Variants in PDE3B observed in about 807,000 individuals in gnomAD.
The protein encoded by PDE3B is cGMP-inhibited 3',5'-cyclic phosphodiesterase 3B.
PDE3B carries 66 observed loss-of-function variants against 116.8 expected under a neutral mutation model. The observed-to-expected ratio is 0.56, with a 90% CI of 0.46 to 0.69. PDE3B has a LOEUF of 0.69. Among genes scored for constraint, PDE3B ranks in the 30% least tolerant of loss-of-function variants. The probability of loss-of-function intolerance (pLI) is 0.00; values close to 1 mark genes in which losing one functional copy is unlikely to be tolerated. For missense variants in PDE3B, 1,384 were observed against 1,368.1 expected (o/e 1.01, Z -0.18); for synonymous variants, 595 against 533.6 (o/e 1.12, Z -1.59).
intron 5 of PDE3B, among the ~76,000 whole-genome samples, chr11:14,816,045 AG>A (rs1565150058): frequency 6.6e-6 from 1 of 152,106 alleles, no homozygotes; most frequent in Non-Finnish European, 1.5e-5. Flanking sequence ...GCAAGCAAGT[AG>A]GAAGTTTTCA....
At chr11:14,748,944 A>G (rs1856985746) in intron 1 of PDE3B, among the ~76,000 whole-genome samples, 1 of 145,926 alleles carries the variant, frequency 6.9e-6, no homozygotes, top group Non-Finnish European at 1.5e-5. Context: ...GCTGGAGTGC[A>G]GTGGCGCAGT....
chr11:14,823,986 T>C (rs1859604962), intron 7 of PDE3B, among the ~76,000 whole-genome samples: 1 of 152,168 alleles, frequency 6.6e-6, no homozygotes, highest in South Asian at 2.1e-4. Context: ...CTTTGCTGTC[T>C]TCAGGCTTTG....
intron 1 of PDE3B, among the ~76,000 whole-genome samples, chr11:14,675,343 T>C (rs1452816075): frequency 2.0e-5 from 3 of 152,140 alleles, no homozygotes; most frequent in Non-Finnish European, 4.4e-5. Flanking sequence ...TTTTTCTTTC[T>C]TATCAATATT....
chr11:14,686,157 C>G (rs937532677), intron 1 of PDE3B, among the ~76,000 whole-genome samples: 3 of 152,104 alleles, frequency 2.0e-5, no homozygotes, highest in African/African-American at 7.2e-5. Flanking sequence ...GGAATTCTGC[C>G]TGGGTTTTAA....
chr11:14,890,070 A>T, the PDE3B span, among the ~76,000 whole-genome samples: 1 of 152,154 alleles, frequency 6.6e-6, no homozygotes, highest in South Asian at 2.1e-4. Flanking sequence ...CGGAGCTTTC[A>T]GTGAGCCGAG....
chr11:14,768,283 C>T (rs1486707966), intron 1 of PDE3B, among the ~76,000 whole-genome samples: 1 of 151,506 alleles, frequency 6.6e-6, no homozygotes, highest in Admixed American at 6.6e-5. Flanking sequence ...ATCAACCCAC[C>T]ATTACTGGTG....
Position 14,789,121 on chromosome 11 carries a change from A to C in PDE3B, c.1294A>C (p.Ser432Arg), listed in dbSNP as rs1415045135. 3 of 1,609,214 alleles carry C rather than the reference A, an allele frequency of 1.9e-6. No homozygotes were observed. Among genetic ancestry groups the C allele is most frequent in the Non-Finnish European group, 2.5e-6 (3 of 1,177,340 alleles). ...TATTCAACAGGGACTAAATAGGAAT[A>C]GTTTGCCAACTCCACAGCTGAGGAG... ...RKLNKGLNRNSLPTPQLRRSS... is the reference protein window; with the variant it reads ...RKLNKGLNRNRLPTPQLRRSS... Residue 432 changes from serine (S) to arginine (R), a missense_variant, in exon 4 of 16, where the codon AGT becomes CGT. Coordinates refer to ENST00000282096, the MANE Select transcript of PDE3B (RefSeq NM_000922.4).
intron 1 of PDE3B, among the ~76,000 whole-genome samples, chr11:14,770,767 T>G (rs1159527558): frequency 2.0e-5 from 3 of 151,532 alleles, no homozygotes; most frequent in Non-Finnish European, 4.4e-5. Flanking sequence ...TCCTCAGTGG[T>G]AAGAAAGAAA....
At chr11:14,699,101 A>G (rs1565097239) in intron 1 of PDE3B, 2 of 152,006 alleles carry the variant, frequency 1.3e-5, no homozygotes. Context: ...GGCTCTGTCA[A>G]ATGAAAAGTC....
chr11:14,797,833 A>G (rs1858604544), intron 4 of PDE3B, among the ~76,000 whole-genome samples: 1 of 152,192 alleles, frequency 6.6e-6, no homozygotes, highest in Admixed American at 6.5e-5. Flanking sequence ...TTTGGGGCTG[A>G]GACAATGGGG....
intron 1 of PDE3B, among the ~76,000 whole-genome samples, chr11:14,658,356 C>T (rs1356404041): frequency 1.3e-5 from 2 of 151,962 alleles, no homozygotes; most frequent in African/African-American, 4.8e-5. Context: ...TTTTGCTTGT[C>T]GCCTTTCTTT....
At chr11:14,674,920 A>AT (rs1019266833) in intron 1 of PDE3B, among the ~76,000 whole-genome samples, 4 of 152,108 alleles carry the variant, frequency 2.6e-5, no homozygotes, top group African/African-American at 4.8e-5. Flanking sequence ...AGGACTACTA[A>AT]TTTTTTTATT....
intron 1 of PDE3B, among the ~76,000 whole-genome samples, chr11:14,663,539 G>C (rs1320691395): frequency 6.6e-6 from 1 of 151,912 alleles, no homozygotes; most frequent in Non-Finnish European, 1.5e-5. Context: ...CACGTGCAGA[G>C]ACACACATAG....
At chr11:14,677,541 A>G (rs1193389320) in intron 1 of PDE3B, among the ~76,000 whole-genome samples, 1 of 152,184 alleles carries the variant, frequency 6.6e-6, no homozygotes, top group Non-Finnish European at 1.5e-5. Context: ...AATTTAAAAT[A>G]AAAAATTAAC....
chr11:14,884,549 G>A, the PDE3B span, among the ~76,000 whole-genome samples: 1 of 117,348 alleles, frequency 8.5e-6, no homozygotes, highest in Non-Finnish European at 1.7e-5. Context: ...GGGGGAGGGG[G>A]AGGGATAGCA....
At chr11:14,891,710 A>G in the PDE3B span, 2 of 1,243,480 alleles carry the variant, frequency 1.6e-6, no homozygotes, top group Non-Finnish European at 2.0e-6. Flanking sequence ...CAAGAGCTCG[A>G]GCGGTAGCGG....
At chr11:14,674,564 G>T in intron 1 of PDE3B, 1 of 376,218 alleles carries the variant, frequency 2.7e-6, no homozygotes, top group South Asian at 2.4e-5. Context: ...ATTTATAAGT[G>T]ATTTGCTGTC....
chr11:14,729,636 G>A (rs1856401845), intron 1 of PDE3B, among the ~76,000 whole-genome samples: 2 of 152,124 alleles, frequency 1.3e-5, no homozygotes, highest in Admixed American at 6.5e-5. Context: ...AAACTAATGT[G>A]AGATAAATAT....
intron 9 of PDE3B, 86 bp from the exon 10 acceptor site, chr11:14,832,636 C>T (rs1859922472): frequency 1.8e-6 from 1 of 549,248 alleles, no homozygotes. Flanking sequence ...GTTAACATTC[C>T]AGAATACAAA....
Sources: gnomAD v4.1 joint callset for allele counts (sites outside exome capture counted in the v4.1 genomes callset) on GRCh38, gnomAD v4.1.1 for gene constraint, MANE v1.5 for transcripts, NCBI Gene and HGNC (gene_info 2026-07-23, HGNC 2026-07-21) for gene names.